Variants in ZNF600 observed in about 807,000 individuals in gnomAD.
ZNF600 encodes zinc finger protein KR-ZNF1.
A neutral mutation model predicts 7.3 loss-of-function variants in ZNF600; 4 were observed. The observed-to-expected ratio is 0.55, with a 90% CI of 0.27 to 1.25. The LOEUF is 1.25. Ranked by LOEUF, ZNF600 falls within the 50% of genes most tolerant of loss-of-function variation. The pLI is 0.12. For missense variants in ZNF600, 911 were observed against 922.1 expected (o/e 0.99, Z 0.16); for synonymous variants, 290 against 308.9 (o/e 0.94, Z 0.64).
exon 4 of ZNF600, chr19:52,767,701 C>A: frequency 6.2e-6 from 10 of 1,613,082 alleles, no homozygotes; most frequent in Non-Finnish European, 8.5e-6. Flanking sequence ...TGCAATGTCC[C>A]TGTGTGGATC....
the ZNF600 span, among the ~76,000 whole-genome samples, chr19:52,811,469 T>C: frequency 6.6e-5 from 8 of 121,998 alleles, no homozygotes; most frequent in African/African-American, 1.3e-4. Context: ...CCCGCCGCCA[T>C]CCCATCTAGG....
intron 3 of ZNF600, among the ~76,000 whole-genome samples, chr19:52,772,111 G>A (rs560990898): frequency 8.9e-4 from 136 of 152,298 alleles, no homozygotes; most frequent in African/African-American, 3.2e-3. Flanking sequence ...TTGGGAGTTT[G>A]AGACCAGCCT....
the ZNF600 span, among the ~76,000 whole-genome samples, chr19:52,811,509 A>C: frequency 4.6e-5 from 5 of 108,916 alleles, no homozygotes; most frequent in Admixed American, 9.1e-5. Context: ...CCGGCCGCCC[A>C]TCGTCTGAGA....
the ZNF600 span, among the ~76,000 whole-genome samples, chr19:52,796,846 G>C: frequency 2.0e-5 from 3 of 152,138 alleles, no homozygotes; most frequent in African/African-American, 4.8e-5. Flanking sequence ...TTTTCAAACT[G>C]ATTTTACCCT....
intron 2 of ZNF600, among the ~76,000 whole-genome samples, chr19:52,777,897 A>G (rs2062689408): frequency 6.6e-6 from 1 of 152,146 alleles, no homozygotes; most frequent in African/African-American, 2.4e-5. Context: ...CCTATCACTC[A>G]GGCTCTTTGG....
the ZNF600 span, among the ~76,000 whole-genome samples, chr19:52,828,936 A>C: frequency 6.6e-6 from 1 of 152,018 alleles, no homozygotes; most frequent in Non-Finnish European, 1.5e-5. Flanking sequence ...TCTCGGCTGA[A>C]TGCAAGCTCT....
chr19:52,780,487 G>T (rs1379204206), intron 1 of ZNF600, among the ~76,000 whole-genome samples, 94 bp downstream of exon 3: 1 of 152,188 alleles, frequency 6.6e-6, no homozygotes, highest in Non-Finnish European at 1.5e-5. Context: ...TGGAACAGTG[G>T]AAGAGAGGAG....
At chr19:52,800,092 C>A in the ZNF600 span, 26 of 1,613,992 alleles carry the variant, frequency 1.6e-5, no homozygotes, top group Middle Eastern at 4.9e-4. Context: ...AAAGCCTTGT[C>A]ACAAACCTTA....
chr19:52,768,724 T>G (rs1488984215), intron 3 of ZNF600, among the ~76,000 whole-genome samples: 1 of 151,954 alleles, frequency 6.6e-6, no homozygotes, highest in Non-Finnish European at 1.5e-5. Context: ...TTTTGTGTTT[T>G]TAGTAGAGAT....
At chr19:52,824,471 C>T in the ZNF600 span, among the ~76,000 whole-genome samples, 2 of 152,082 alleles carry the variant, frequency 1.3e-5, no homozygotes, top group African/African-American at 4.8e-5. Context: ...CCCATCTCTA[C>T]TAAAGATACA....
the ZNF600 span, chr19:52,800,975 C>T: frequency 6.2e-7 from 1 of 1,613,998 alleles, no homozygotes; most frequent in African/African-American, 1.3e-5. Flanking sequence ...TATGAAGCGC[C>T]TTGTGAAGGA....
At chr19:52,783,820 C>T (rs538621824) in intron 1 of ZNF600, among the ~76,000 whole-genome samples, 1 of 152,102 alleles carries the variant, frequency 6.6e-6, no homozygotes, top group South Asian at 2.1e-4. Context: ...GACGGAGTTT[C>T]GCTCTTGTTG....
the ZNF600 span, among the ~76,000 whole-genome samples, chr19:52,809,203 T>C: frequency 4.6e-5 from 7 of 152,124 alleles, no homozygotes; most frequent in Non-Finnish European, 1.0e-4. Context: ...GAAGAAGCAA[T>C]CACCCTTTCA....
At chr19:52,822,074 C>CTTTTTTTTTTTTTTTTTTTTTTTTTTTTT in the ZNF600 span, among the ~76,000 whole-genome samples, 4 of 78,688 alleles carry the variant, frequency 5.1e-5, no homozygotes, top group Admixed American at 1.6e-4. Context: ...TTCTTTTTCC[C>CTTTTTTTTTTTTTTTTTTTTTTTTTTTTT]TTTTTTTTTT....
At chr19:52,765,945 T>C (rs1463136360) in exon 4 of ZNF600, 2 of 1,614,216 alleles carry the variant, frequency 1.2e-6, no homozygotes, top group Non-Finnish European at 8.5e-7. Flanking sequence ...CTCTGCAGTG[T>C]GAATTCTGGT....
chr19:52,785,243 CTCT>C (rs1225829189), intron 1 of ZNF600, among the ~76,000 whole-genome samples: 1 of 150,892 alleles, frequency 6.6e-6, no homozygotes, highest in African/African-American at 2.5e-5. Flanking sequence ...CTTATTTAAC[CTCT>C]TTTTTTTTTT....
upstream of ZNF600, among the ~76,000 whole-genome samples, chr19:52,787,060 G>T (rs538425951): frequency 2.6e-5 from 4 of 152,400 alleles, no homozygotes; most frequent in South Asian, 8.3e-4. Flanking sequence ...CGGAACATAC[G>T]ATTTCATGCT....
At chr19:52,810,285 G>C in the ZNF600 span, 51 of 1,479,126 alleles carry the variant, frequency 3.4e-5, no homozygotes, top group African/African-American at 6.1e-4. Flanking sequence ...GTCCATTGAG[G>C]AGAAGATGGA....
the ZNF600 span, chr19:52,800,756 A>T: frequency 6.2e-7 from 1 of 1,613,080 alleles, no homozygotes; most frequent in Non-Finnish European, 8.5e-7. Flanking sequence ...GTCGATTAAA[A>T]ACCTTGCCAC....
Sources: allele counts gnomAD v4.1 joint callset (sites outside exome capture counted in the v4.1 genomes callset), GRCh38; gene constraint gnomAD v4.1.1; transcripts MANE v1.5; gene names NCBI Gene and HGNC (gene_info 2026-07-23, HGNC 2026-07-21).